Variants in DDX50 observed in about 807,000 individuals in gnomAD.
DDX50 encodes the protein ATP-dependent RNA helicase DDX50.
Under a neutral mutation model 94.8 loss-of-function variants are expected in DDX50, and 56 were observed. That is an observed-to-expected ratio of 0.59 (90% CI 0.48 to 0.74). DDX50 has a LOEUF of 0.74. DDX50 is among the 30% of genes least tolerant of loss of function. DDX50 has a pLI of 0.00. For missense variants in DDX50, 713 were observed against 881.2 expected (o/e 0.81, Z 2.42); for synonymous variants, 264 against 295.4 (o/e 0.89, Z 1.09).
rs542372536 is a variant in DDX50, at chr10:68,905,669, T to C, written c.88-1042T>C. On this transcript the variant is annotated intron_variant, in intron 1 of 14. Coordinates refer to ENST00000373585, the MANE Select transcript of DDX50 (RefSeq NM_024045.2). Reference sequence around the variant, plus strand: ...GCTCACGCCTGTAATCCCACCACTTTGGGAGGCCGAGGCTGGTGGATCACC... The same window carrying C: ...GCTCACGCCTGTAATCCCACCACTTCGGGAGGCCGAGGCTGGTGGATCACC... Among the ~76,000 whole-genome samples the C allele has an allele frequency of 2.0e-3, 301 of 152,348 alleles. 3 individuals are homozygous for C. Among genetic ancestry groups the C allele is most frequent in the African/African-American group, 6.8e-3 (283 of 41,576 alleles).
At chr10:68,910,469 C>T in intron 3 of DDX50, 87 bp downstream of exon 3, 1 of 1,033,500 alleles carries the variant, frequency 9.7e-7, no homozygotes, top group Non-Finnish European at 1.4e-6. Flanking sequence ...GTGGGGCAGT[C>T]TTGGCTCACT....
At chr10:68,941,870 C>T (rs1366200390) in intron 13 of DDX50, among the ~76,000 whole-genome samples, 1 of 152,082 alleles carries the variant, frequency 6.6e-6, no homozygotes, top group African/African-American at 2.4e-5. Flanking sequence ...GCACTCCTGA[C>T]CTCAGGTGAT....
chr10:68,913,989 G>C, intron 6 of DDX50, 70 bp from the exon 7 acceptor site: 1 of 1,358,058 alleles, frequency 7.4e-7, no homozygotes, highest in South Asian at 1.5e-5. Context: ...TGAAGCTTGG[G>C]AGGATTTTTA....
intron 8 of DDX50, among the ~76,000 whole-genome samples, chr10:68,931,392 A>ATATATATAT (rs1554836673): frequency 5.8e-5 from 5 of 85,756 alleles, no homozygotes; most frequent in South Asian, 8.3e-4. Context: ...TAAAAAAAAA[A>ATATATATAT]ATATATATAT....
rs779954895 is a variant in DDX50 at position 68,946,482 on chromosome 10, G to C, written c.2066G>C (p.Arg689Pro). 4.3e-6 allele frequency: 7 copies of C among 1,613,990 alleles called. No homozygotes were observed. The highest frequency in any genetic ancestry group is 5.9e-6 in the Non-Finnish European group (7 of 1,179,946). Reference sequence around the variant, plus strand: ...GGCTGGTCAAGTGGTCGATCAGGCCGGTCAGGCCGGTCAGGTGGTCGATCT... The same window carrying C: ...GGCTGGTCAAGTGGTCGATCAGGCCCGTCAGGCCGGTCAGGTGGTCGATCT... The part of the protein sequence containing the change: ...RSGWSSGRSG[R>P]SGRSGGRSGG... The change falls in exon 15 of 15, where the codon CGG (arginine) becomes CCG (proline). Residue 689 changes from arginine (R) to proline (P), a missense_variant. Around this residue, in one of 2 missense-constraint regions of DDX50, gnomAD observed 428 missense variants for 602.3 expected, o/e 0.71. Coordinates refer to ENST00000373585, the MANE Select transcript of DDX50 (RefSeq NM_024045.2).
At chr10:68,911,303 A>C in intron 4 of DDX50, 57 bp downstream of exon 4, 1 of 1,457,102 alleles carries the variant, frequency 6.9e-7, no homozygotes, top group Non-Finnish European at 9.1e-7. Flanking sequence ...AGGGAAAGAA[A>C]GTTACACGAG....
chr10:68,929,847 C>T (rs1466757287), intron 8 of DDX50, among the ~76,000 whole-genome samples: 1 of 151,946 alleles, frequency 6.6e-6, no homozygotes, highest in African/African-American at 2.4e-5. Flanking sequence ...ATTCTCCTGC[C>T]TCAGCCTCCC....
rs1227329442 is a variant in DDX50 at position 68,917,391 on chromosome 10, G to A, written c.1090-2441G>A. On this transcript the variant is annotated intron_variant, in intron 7 of 14. Coordinates refer to ENST00000373585, the MANE Select transcript of DDX50 (RefSeq NM_024045.2). Reference sequence around the variant, plus strand: ...AGAAGAATCGCTTGAACCAGGAGGCGGAGGTTGCAGTGAGCTGAGATCGTG... The same window carrying A: ...AGAAGAATCGCTTGAACCAGGAGGCAGAGGTTGCAGTGAGCTGAGATCGTG... 5.9e-5 allele frequency among the ~76,000 whole-genome samples: 9 copies of A among 152,078 alleles called. No individual in the cohort carries two copies. In the East Asian group the frequency reaches 7.8e-4, roughly 13 times the overall value.
chr10:68,903,346 A>G lies in DDX50; in HGVS notation c.87+1875A>G, dbSNP rs1292742325. ...CAGGAGTTCAAGACCAGCCTGGCCA[A>G]CATGGTTAAATCCCATCTCTGCTAA... is the stretch of plus-strand genomic sequence containing the variant. On this transcript the variant is annotated intron_variant, in intron 1 of 14. Coordinates refer to ENST00000373585, the MANE Select transcript of DDX50 (RefSeq NM_024045.2). Among the ~76,000 whole-genome samples, 4 of 152,092 alleles carry G rather than the reference A, an allele frequency of 2.6e-5. No homozygotes were observed. In the South Asian group the frequency reaches 6.2e-4, roughly 24 times the overall value.
At chr10:68,941,661 CAG>C (rs1404875923) in intron 13 of DDX50, among the ~76,000 whole-genome samples, 1 of 151,406 alleles carries the variant, frequency 6.6e-6, no homozygotes, top group Non-Finnish European at 1.5e-5. Context: ...ATTTTTGAGA[CAG>C]AGTTTCACTC....
chr10:68,903,930 C>T (rs1355036836), intron 1 of DDX50, among the ~76,000 whole-genome samples: 10 of 149,166 alleles, frequency 6.7e-5, no homozygotes, highest in Non-Finnish European at 1.3e-4. Context: ...GAGCCGAGAT[C>T]GCACCATTGC....
rs1347689042 is a variant in DDX50 at position 68,936,919 on chromosome 10, C to A, written c.1596-17C>A. The A allele has an allele frequency of 1.9e-6, 3 of 1,564,728 alleles. No homozygotes were observed. Among genetic ancestry groups the A allele is most frequent in the African/African-American group, 2.7e-5 (2 of 72,878 alleles). On this transcript the variant is annotated splice_polypyrimidine_tract_variant and intron_variant, in intron 11 of 14. Transcript: ENST00000373585. The stretch of plus-strand genomic sequence containing the variant: ...TTTCCCTATGTCTTGACCAAGAATA[C>A]TATTTTTAAACCATAGGTCTCTGGC...
intron 6 of DDX50, 90 bp downstream of exon 6, chr10:68,913,666 T>G (rs12769736): frequency 6.4e-6 from 8 of 1,246,858 alleles, no homozygotes; most frequent in Non-Finnish European, 8.8e-6. Context: ...TATTGCAGTG[T>G]CCCCTGCGTT....
intron 8 of DDX50, among the ~76,000 whole-genome samples, chr10:68,921,645 GT>G (rs1179993388): frequency 6.5e-4 from 99 of 152,202 alleles, no homozygotes; most frequent in African/African-American, 1.4e-3. Context: ...CATTTTTGTT[GT>G]TTGTGACTTG....
intron 6 of DDX50, 87 bp from the exon 7 acceptor site, chr10:68,913,972 A>AT: frequency 1.6e-6 from 2 of 1,263,932 alleles, no homozygotes; most frequent in South Asian, 3.5e-5. Context: ...ATTTTTCATT[A>AT]TTTTTTTGAA....
rs1841621957 is a variant in DDX50, at chr10:68,911,351, G to T, written c.639+105G>T. 1.4e-5 allele frequency: 17 copies of T among 1,252,450 alleles called. No individual in the cohort carries two copies. The South Asian group carries it at 4.2e-4, about 31-fold the overall frequency. The allele number at this position is 1,252,450 out of a possible 1,614,324, so 77.6% of individuals were successfully genotyped here. On this transcript the variant is annotated intron_variant, in intron 4 of 14. Coordinates refer to ENST00000373585, the MANE Select transcript of DDX50 (RefSeq NM_024045.2). ...GTACCCCCAAAATAGAAAAGTTAGC[G>T]CTGTGGCATAAAACAAAAATATGTT...
intron 8 of DDX50, among the ~76,000 whole-genome samples, chr10:68,930,221 G>A (rs1331271940): frequency 2.0e-5 from 3 of 147,324 alleles, no homozygotes; most frequent in East Asian, 2.0e-4. Context: ...GGGTTCAAGC[G>A]ATTCTCCTAC....
Position 68,914,130 on chromosome 10 carries a change from A to G in DDX50, c.1015A>G (p.Lys339Glu). The change falls in exon 7 of 15, where the codon AAA becomes GAA. Residue 339 changes from lysine (K) to glutamate (E), a missense_variant. By Grantham distance (56) the Lys-to-Glu change is moderately conservative. Transcript: ENST00000373585. ...CPQWVYKVAK[K>E]YMKSRYEQVD... Reference sequence around the variant, plus strand: ...ACAGTGGGTATACAAAGTTGCAAAAAAATACATGAAATCCAGATATGAACA... The same window carrying G: ...ACAGTGGGTATACAAAGTTGCAAAAGAATACATGAAATCCAGATATGAACA... 6 of 1,612,566 alleles carry G rather than the reference A, an allele frequency of 3.7e-6. No individual in the cohort carries two copies. The highest frequency in any genetic ancestry group is 5.1e-6 in the Non-Finnish European group (6 of 1,179,546).
intron 8 of DDX50, among the ~76,000 whole-genome samples, chr10:68,933,762 C>G (rs1842332639): frequency 6.6e-6 from 1 of 151,044 alleles, no homozygotes; most frequent in Non-Finnish European, 1.5e-5. Context: ...TGGTGAAACC[C>G]TGTTTCTACT....
Sources: allele counts gnomAD v4.1 joint callset (sites outside exome capture counted in the v4.1 genomes callset), GRCh38; gene constraint gnomAD v4.1.1; regional missense constraint gnomAD v4.1.1; transcripts MANE v1.5; gene names NCBI Gene and HGNC (gene_info 2026-07-23, HGNC 2026-07-21).